GOLM2: variants seen among roughly 807,000 people sequenced by gnomAD.
The protein encoded by GOLM2 is protein GOLM2.
GOLM2 carries 26 observed loss-of-function variants against 55.9 expected under a neutral mutation model. The ratio of observed to expected loss-of-function variants is 0.47; its 90% CI spans 0.34 to 0.65. The LOEUF (loss-of-function observed/expected upper bound fraction) is 0.65, where lower values mean the gene tolerates loss of function less well. Among genes scored for constraint, GOLM2 ranks in the 30% least tolerant of loss-of-function variants. The pLI, the probability that GOLM2 is intolerant of heterozygous loss-of-function variation, is 0.01. For missense variants in GOLM2, 486 were observed against 531.8 expected (o/e 0.91, Z 0.85); for synonymous variants, 165 against 194.6 (o/e 0.85, Z 1.27).
intron 6 of GOLM2, among the ~76,000 whole-genome samples, chr15:44,366,310 A>AACAAAACAAAAC (rs1567036400): frequency 4.7e-5 from 7 of 150,534 alleles, no homozygotes; most frequent in East Asian, 2.0e-4. Context: ...AAAAAAAAAA[A>AACAAAACAAAAC]AAAACAAAAC....
intron 6 of GOLM2, 52 bp from the exon 7 acceptor site, chr15:44,379,638 T>TTTTAAAA: frequency 1.4e-6 from 1 of 710,020 alleles, no homozygotes. Context: ...TTTTTTTTTT[T>TTTTAAAA]AGAAATCATA....
intron 8 of GOLM2, among the ~76,000 whole-genome samples, chr15:44,381,374 C>T (rs555997602): frequency 1.6e-4 from 25 of 152,280 alleles, no homozygotes; most frequent in Admixed American, 1.2e-3. Flanking sequence ...GAAACATACA[C>T]TCTGGGGGAT....
intron 8 of GOLM2, among the ~76,000 whole-genome samples, chr15:44,399,548 AAG>A (rs1425840994): frequency 6.6e-6 from 1 of 152,224 alleles, no homozygotes; most frequent in Admixed American, 6.5e-5. Flanking sequence ...CACCTAAAAA[AAG>A]GAAATTTTAA....
At chr15:44,387,307 T>C (rs1229496805) in intron 8 of GOLM2, 1 of 152,170 alleles carries the variant, frequency 6.6e-6, no homozygotes, top group African/African-American at 2.4e-5. Context: ...TTTATTTAGG[T>C]CATCTTTAAT....
At chr15:44,392,364 G>A (rs1206126262) in intron 8 of GOLM2, among the ~76,000 whole-genome samples, 2 of 151,882 alleles carry the variant, frequency 1.3e-5, no homozygotes, top group Non-Finnish European at 2.9e-5. Flanking sequence ...GCTCACGCCT[G>A]TAAATCCCAG....
At chr15:44,388,257 G>A (rs1444373685) in intron 8 of GOLM2, among the ~76,000 whole-genome samples, 54 of 121,088 alleles carry the variant, frequency 4.5e-4, no homozygotes, top group Middle Eastern at 0.011. Flanking sequence ...CTGGGCAACA[G>A]AGCAAGACCC....
rs66828619 is a variant in GOLM2, at chr15:44,310,454, C to CTA, written c.328-12497_328-12496dup. 1.7e-3 allele frequency among the ~76,000 whole-genome samples: 240 copies of CTA among 142,594 alleles called. 2 individuals carry two copies. The highest frequency in any genetic ancestry group is 5.7e-3 in the African/African-American group (217 of 37,918). The allele number at this position is 142,594 out of a possible 152,430, so 93.5% of individuals were successfully genotyped here. On this transcript the variant is annotated intron_variant, in intron 1 of 9. Transcript: ENST00000299957. ...AGTCTCTCTTTCTCTCTCTCTCTCT[C>CTA]TATATATATATATATGTATATATAT...
chr15:44,340,281 TA>T (rs1420530100), intron 6 of GOLM2, among the ~76,000 whole-genome samples: 5 of 151,992 alleles, frequency 3.3e-5, no homozygotes, highest in African/African-American at 7.3e-5. Flanking sequence ...AAATTACATA[TA>T]TTTTTTTCAG....
chr15:44,391,225 G>A (rs2079485960), intron 8 of GOLM2, among the ~76,000 whole-genome samples: 1 of 151,994 alleles, frequency 6.6e-6, no homozygotes, highest in South Asian at 2.1e-4. Context: ...AGTGAAATTG[G>A]AAAGACCAGC....
intron 3 of GOLM2, among the ~76,000 whole-genome samples, chr15:44,329,139 G>A (rs1373114383): frequency 1.3e-5 from 2 of 152,190 alleles, no homozygotes; most frequent in Non-Finnish European, 2.9e-5. Flanking sequence ...GATGAAACCA[G>A]CACTGGGAGA....
chr15:44,389,290 G>A (rs1470996135), intron 8 of GOLM2, among the ~76,000 whole-genome samples: 1 of 152,064 alleles, frequency 6.6e-6, no homozygotes, highest in Non-Finnish European at 1.5e-5. Context: ...AGCACTTTTG[G>A]AGGCTGAGGC....
At chr15:44,385,557 T>G (rs1006975765) in intron 8 of GOLM2, among the ~76,000 whole-genome samples, 1 of 152,064 alleles carries the variant, frequency 6.6e-6, no homozygotes, top group Non-Finnish European at 1.5e-5. Flanking sequence ...TTTTAAAATT[T>G]ACTTTTAGAG....
Position 44,402,587 on chromosome 15 carries a change from T to C in GOLM2, c.1073-300T>C, listed in dbSNP as rs569959865. ...AGTCATACTTATATTAGAGAAGTCA[T>C]TGGTTATTAGGAAAACATTCCTAAA... On this transcript the variant is annotated intron_variant, in intron 8 of 9. Coordinates refer to ENST00000299957, the MANE Select transcript of GOLM2 (RefSeq NM_138423.4). 2.8e-3 allele frequency: 745 copies of C among 267,694 alleles called. 5 individuals carry two copies. The highest frequency in any genetic ancestry group is 4.2e-3 in the Admixed American group (89 of 21,304). 16.6% of individuals were successfully genotyped at this position (267,694 alleles called of 1,614,324 possible).
chr15:44,290,624 A>G (rs1477597351), intron 1 of GOLM2, among the ~76,000 whole-genome samples: 1 of 152,216 alleles, frequency 6.6e-6, no homozygotes, highest in Admixed American at 6.5e-5. Flanking sequence ...ACTCTCGGGC[A>G]GAGTAGGTAG....
chr15:44,390,119 C>T (rs1271639177), intron 8 of GOLM2: 4 of 152,240 alleles, frequency 2.6e-5, no homozygotes, highest in Admixed American at 2.6e-4. Context: ...GCAAAAGTGG[C>T]TAGAACATTT....
chr15:44,358,965 G>C (rs1390743193), intron 6 of GOLM2, among the ~76,000 whole-genome samples: 1 of 151,750 alleles, frequency 6.6e-6, no homozygotes, highest in Admixed American at 6.6e-5. Flanking sequence ...GACCATCCTG[G>C]CTAACATGGT....
chr15:44,347,526 G>C (rs1037178695), intron 6 of GOLM2, among the ~76,000 whole-genome samples: 1 of 152,158 alleles, frequency 6.6e-6, no homozygotes, highest in South Asian at 2.1e-4. Context: ...AGTCAGAGGG[G>C]AAATTTTCTC....
intron 6 of GOLM2, among the ~76,000 whole-genome samples, chr15:44,362,592 G>A (rs1015908399): frequency 1.4e-4 from 22 of 152,134 alleles, no homozygotes; most frequent in South Asian, 4.1e-4. Flanking sequence ...AGGAAGAATC[G>A]ATATCATGAA....
chr15:44,410,197 G>A (rs2079628081), intron 9 of GOLM2, among the ~76,000 whole-genome samples: 1 of 152,164 alleles, frequency 6.6e-6, no homozygotes. Context: ...CCAGCACTTT[G>A]GGAGGCCGAG....
Sources: allele counts gnomAD v4.1 joint callset (sites outside exome capture counted in the v4.1 genomes callset), GRCh38; gene constraint gnomAD v4.1.1; transcripts MANE v1.5; gene names NCBI Gene and HGNC (gene_info 2026-07-23, HGNC 2026-07-21).